The following GSK3B variants were observed in gnomAD, a reference collection of about 807,000 sequenced individuals.
The protein encoded by GSK3B is glycogen synthase kinase 3 beta, also known as glycogen synthase kinase-3 beta.
A neutral mutation model predicts 56.4 loss-of-function variants in GSK3B; 15 were observed. The ratio of observed to expected loss-of-function variants is 0.27; its 90% CI spans 0.18 to 0.41. GSK3B has a LOEUF of 0.41. GSK3B is among the 10% of genes least tolerant of loss of function. GSK3B has a pLI of 1.00. For synonymous variants in GSK3B, 181 were observed against 188.9 expected, an observed-to-expected ratio of 0.96 and a Z score of 0.34; for missense variants, 300 against 513.4, an observed-to-expected ratio of 0.58 and a Z score of 4.02.
Position 120,093,440 on chromosome 3 carries a change from C to A in GSK3B, c.-6G>T. 6.3e-7 allele frequency: 1 copy of A among 1,597,574 alleles called. No homozygotes were observed. The highest frequency in any genetic ancestry group is 2.2e-5 in the East Asian group (1 of 44,812). On this transcript the variant is annotated 5_prime_UTR_variant, in exon 1 of 11. Transcript: ENST00000264235. Reference sequence around the variant, plus strand: ...GTTCTGGGCCGCCCTGACATGATCACTCTCTTCGCGAATCACCTTTTCCTT... The same window carrying A: ...GTTCTGGGCCGCCCTGACATGATCAATCTCTTCGCGAATCACCTTTTCCTT...
At chr3:120,030,487 G>A (rs899187601) in intron 1 of GSK3B, among the ~76,000 whole-genome samples, 1 of 152,134 alleles carries the variant, frequency 6.6e-6, no homozygotes, top group Non-Finnish European at 1.5e-5. Context: ...ACAAAACCCT[G>A]TAAGATCTAG....
chr3:119,826,334 C>A lies in GSK3B; in HGVS notation c.*454G>T. Reference sequence around the variant, plus strand: ...GAGTTATACCTGCTAAGCTCCCAACCAATTTCAAGCTGTGCACTATACCAA... The same window carrying A: ...GAGTTATACCTGCTAAGCTCCCAACAAATTTCAAGCTGTGCACTATACCAA... On this transcript the variant is annotated 3_prime_UTR_variant, in exon 11 of 11. Transcript: ENST00000264235. 6.2e-6 allele frequency: 2 copies of A among 323,392 alleles called. No homozygotes were observed. Among genetic ancestry groups the A allele is most frequent in the South Asian group, 9.0e-5 (2 of 22,178 alleles). 20.0% of individuals were successfully genotyped at this position (323,392 alleles called of 1,614,324 possible).
chr3:119,964,397 A>T (rs937844447), intron 2 of GSK3B, among the ~76,000 whole-genome samples: 3 of 152,264 alleles, frequency 2.0e-5, no homozygotes, highest in Non-Finnish European at 1.5e-5. Flanking sequence ...AAAATGTGGT[A>T]TATACATACA....
chr3:119,978,963 G>A (rs552331526), intron 2 of GSK3B, among the ~76,000 whole-genome samples: 1 of 152,244 alleles, frequency 6.6e-6, no homozygotes, highest in East Asian at 1.9e-4. Context: ...GGGATGCCTA[G>A]AACAAAAACA....
intron 2 of GSK3B, among the ~76,000 whole-genome samples, chr3:119,961,650 A>G (rs895663079): frequency 2.1e-5 from 3 of 144,534 alleles, no homozygotes; most frequent in Non-Finnish European, 4.5e-5. Context: ...AAAAAAAAAA[A>G]GGAAAAAGCA....
At chr3:119,957,390 A>C (rs981774136) in intron 2 of GSK3B, among the ~76,000 whole-genome samples, 1 of 152,220 alleles carries the variant, frequency 6.6e-6, no homozygotes, top group Non-Finnish European at 1.5e-5. Flanking sequence ...AAACAACACA[A>C]AGGATGCCTG....
At chr3:120,079,310 ACAC>A in intron 1 of GSK3B, among the ~76,000 whole-genome samples, 1 of 9,312 alleles carries the variant, frequency 1.1e-4, no homozygotes, top group African/African-American at 7.2e-4. Flanking sequence ...GAAATTACAC[ACAC>A]ACACACACAC....
At chr3:119,887,548 G>T (rs2056449434) in intron 7 of GSK3B, among the ~76,000 whole-genome samples, 1 of 152,024 alleles carries the variant, frequency 6.6e-6, no homozygotes, top group South Asian at 2.1e-4. Context: ...ACACAGGGAA[G>T]AAACTCAATC....
intron 6 of GSK3B, among the ~76,000 whole-genome samples, chr3:119,906,906 T>A (rs79276915): frequency 0.026 from 3,940 of 152,204 alleles, 175 homozygotes; most frequent in African/African-American, 0.089. Flanking sequence ...CAGTGACTAC[T>A]TTTTATTGAC....
In GSK3B at chr3:119,890,699, T is replaced by A. The variant is rs577399787; in HGVS notation, c.814-14191A>T. 8.6e-5 allele frequency among the ~76,000 whole-genome samples: 13 copies of A among 151,626 alleles called. No homozygotes were observed. In the East Asian group the frequency reaches 2.5e-3, roughly 29 times the overall value. On this transcript the variant is annotated intron_variant, in intron 7 of 10. Coordinates refer to ENST00000264235, the MANE Select transcript of GSK3B (RefSeq NM_001146156.2). Reference sequence around the variant, plus strand: ...TAAACTGTCATTTAAAATGCCTATATTTTATTACATATAAATTATATTTCT... The same window carrying A: ...TAAACTGTCATTTAAAATGCCTATAATTTATTACATATAAATTATATTTCT...
chr3:119,837,743 GT>G (rs1234160270), intron 10 of GSK3B, among the ~76,000 whole-genome samples: 1 of 151,442 alleles, frequency 6.6e-6, no homozygotes, highest in East Asian at 1.9e-4. Context: ...CTCTAAAATG[GT>G]TTGTATTTGA....
chr3:119,998,483 G>C (rs998260732), intron 2 of GSK3B, among the ~76,000 whole-genome samples: 1 of 152,212 alleles, frequency 6.6e-6, no homozygotes, highest in Non-Finnish European at 1.5e-5. Flanking sequence ...CCCTGGGCCA[G>C]AGGTTCCTAG....
At chr3:119,922,004 G>A (rs377415790) in intron 4 of GSK3B, among the ~76,000 whole-genome samples, 17 of 152,128 alleles carry the variant, frequency 1.1e-4, no homozygotes, top group South Asian at 2.1e-4. Context: ...GGGCATGGTC[G>A]CGTGTGCCTG....
chr3:119,840,416 G>T (rs940464930), intron 10 of GSK3B, among the ~76,000 whole-genome samples: 5 of 152,002 alleles, frequency 3.3e-5, no homozygotes, highest in Non-Finnish European at 7.4e-5. Flanking sequence ...TAGAGACAGG[G>T]TATCTCCACG....
chr3:119,955,719 T>A (rs944497611), intron 2 of GSK3B, among the ~76,000 whole-genome samples: 1 of 152,086 alleles, frequency 6.6e-6, no homozygotes, highest in African/African-American at 2.4e-5. Flanking sequence ...AGTGGCATGA[T>A]CTCAAATCAC....
intron 9 of GSK3B, among the ~76,000 whole-genome samples, chr3:119,854,095 C>G (rs897723494): frequency 4.6e-5 from 7 of 152,168 alleles, no homozygotes; most frequent in Non-Finnish European, 7.3e-5. Context: ...TACGTCCCAT[C>G]AATACCTAGT....
intron 2 of GSK3B, among the ~76,000 whole-genome samples, chr3:119,983,208 C>G (rs1264430096): frequency 6.6e-6 from 1 of 152,110 alleles, no homozygotes; most frequent in Admixed American, 6.5e-5. Flanking sequence ...GAAGGAGGAA[C>G]TAAACATGGA....
At chr3:120,066,744 C>A (rs1367717218) in intron 1 of GSK3B, among the ~76,000 whole-genome samples, 3 of 152,162 alleles carry the variant, frequency 2.0e-5, no homozygotes, top group Non-Finnish European at 4.4e-5. Context: ...CTTTGCAGGA[C>A]ACACAGTCTG....
intron 1 of GSK3B, among the ~76,000 whole-genome samples, chr3:120,044,037 C>T (rs752254028): frequency 6.6e-6 from 1 of 152,244 alleles, no homozygotes; most frequent in Non-Finnish European, 1.5e-5. Flanking sequence ...TGCTTGTGTG[C>T]ATGGCCGGCC....
Sources: allele counts gnomAD v4.1 joint callset (sites outside exome capture counted in the v4.1 genomes callset), GRCh38; gene constraint gnomAD v4.1.1; transcripts MANE v1.5; gene names NCBI Gene and HGNC (gene_info 2026-07-23, HGNC 2026-07-21).